Variants in NKAIN2 observed in about 807,000 individuals in gnomAD.
The protein encoded by NKAIN2 is sodium/potassium transporting ATPase interacting 2.
NKAIN2 carries 14 observed loss-of-function variants against 32.6 expected under a neutral mutation model. The ratio of observed to expected loss-of-function variants is 0.43; its 90% confidence interval spans 0.28 to 0.67. NKAIN2 has a LOEUF of 0.67. Among genes scored for constraint, NKAIN2 ranks in the 30% least tolerant of loss-of-function variants. The pLI, the probability that NKAIN2 is intolerant of heterozygous loss-of-function variation, is 0.17. For missense variants in NKAIN2, 198 were observed against 258.3 expected, an observed-to-expected ratio of 0.77 and a Z score of 1.60; for synonymous variants, 80 against 87.2, an observed-to-expected ratio of 0.92 and a Z score of 0.46.
chr6:124,399,872 G>C (rs75575721), intron 3 of NKAIN2, among the ~76,000 whole-genome samples: 1 of 152,112 alleles, frequency 6.6e-6, no homozygotes, highest in African/African-American at 2.4e-5. Flanking sequence ...TGCTGGTGAC[G>C]ATCAGTGAAT....
intron 3 of NKAIN2, among the ~76,000 whole-genome samples, chr6:124,450,088 G>A (rs115871287): frequency 4.5e-4 from 69 of 152,166 alleles, no homozygotes; most frequent in Middle Eastern, 3.4e-3. Context: ...GAGAAAATAC[G>A]CATCTTGAAA....
intron 1 of NKAIN2, among the ~76,000 whole-genome samples, chr6:124,191,035 G>C (rs904375823): frequency 6.6e-6 from 1 of 152,102 alleles, no homozygotes; most frequent in Non-Finnish European, 1.5e-5. Context: ...CTCAAAGTCC[G>C]TGGTTTATGT....
At chr6:124,347,139 C>T (rs1383180859) in intron 2 of NKAIN2, among the ~76,000 whole-genome samples, 30 of 152,274 alleles carry the variant, frequency 2.0e-4, no homozygotes, top group African/African-American at 7.0e-4. Context: ...AAATTCTTTT[C>T]TTTAAGAATG....
chr6:124,670,645 CTGTGTG>C lies in NKAIN2; in HGVS notation c.474+12289_474+12294del, dbSNP rs57300688. On this transcript the variant is annotated intron_variant, in intron 4 of 6. Transcript: ENST00000368417. ...TTTACCTGAGATTAATCTTTGCTTT[CTGTGTG>C]TGTGTGTGTGTGTGTGTGTGTGTGT... Among the ~76,000 whole-genome samples, 658 of 123,910 alleles carry C rather than the reference CTGTGTG, an allele frequency of 5.3e-3. 2 individuals are homozygous for C. In the Middle Eastern group the frequency reaches 0.055, roughly 10 times the overall value. The allele number at this position is 123,910 out of a possible 152,430, so 81.3% of individuals were successfully genotyped here.
At chr6:124,257,837 G>A (rs1348467104) in intron 1 of NKAIN2, among the ~76,000 whole-genome samples, 1 of 144,156 alleles carries the variant, frequency 6.9e-6, no homozygotes, top group East Asian at 2.0e-4. Flanking sequence ...GGAGTACAGT[G>A]GCACGATCTT....
At chr6:124,057,015 T>C (rs184193648) in intron 1 of NKAIN2, among the ~76,000 whole-genome samples, 1 of 152,192 alleles carries the variant, frequency 6.6e-6, no homozygotes, top group East Asian at 1.9e-4. Flanking sequence ...CCAATTAATT[T>C]GTTTTCACCT....
chr6:124,419,677 A>G (rs1363653618), intron 3 of NKAIN2, among the ~76,000 whole-genome samples: 1 of 152,190 alleles, frequency 6.6e-6, no homozygotes, highest in Non-Finnish European at 1.5e-5. Flanking sequence ...TAGAAGACAT[A>G]AGATAATATT....
chr6:124,355,491 A>G lies in NKAIN2; in HGVS notation c.273+144A>G, dbSNP rs558073234. 244 of 587,138 alleles carry G rather than the reference A, an allele frequency of 4.2e-4. 1 individual carries two copies. The African/African-American group carries it at 4.2e-3, about 10-fold the overall frequency. 36.4% of individuals were successfully genotyped at this position (587,138 alleles called of 1,614,324 possible). On this transcript the variant is annotated intron_variant, in intron 3 of 6. Coordinates refer to ENST00000368417, the MANE Select transcript of NKAIN2 (RefSeq NM_001040214.3). ...AAGGTGTCTTGATTTATATTTCTGC[A>G]TTTTTATCATTAAAAATATGTCTGG...
At chr6:124,649,630 G>A (rs1441097908) in intron 3 of NKAIN2, among the ~76,000 whole-genome samples, 1 of 152,090 alleles carries the variant, frequency 6.6e-6, no homozygotes, top group African/African-American at 2.4e-5. Context: ...TAGCATCACC[G>A]TAATACCAAA....
chr6:124,150,987 G>A (rs1029908456), intron 1 of NKAIN2, among the ~76,000 whole-genome samples: 1 of 151,814 alleles, frequency 6.6e-6, no homozygotes, highest in African/African-American at 2.4e-5. Flanking sequence ...ATTCTTCTTT[G>A]TTCATATTTC....
chr6:124,722,137 TAG>T (rs1776052417), intron 4 of NKAIN2, among the ~76,000 whole-genome samples: 2 of 152,238 alleles, frequency 1.3e-5, no homozygotes, highest in Non-Finnish European at 2.9e-5. Context: ...ATCAATGTTG[TAG>T]CATGTGTCAG....
At chr6:124,363,493 G>T (rs577008854) in intron 3 of NKAIN2, among the ~76,000 whole-genome samples, 4 of 152,312 alleles carry the variant, frequency 2.6e-5, no homozygotes, top group East Asian at 3.9e-4. Flanking sequence ...CAATTTTTCT[G>T]TTAAGGCATT....
At chr6:124,396,959 TGTG>T (rs775111969) in intron 3 of NKAIN2, among the ~76,000 whole-genome samples, 81 of 152,292 alleles carry the variant, frequency 5.3e-4, no homozygotes, top group South Asian at 2.1e-3. Flanking sequence ...TTTTGTAAGT[TGTG>T]GTGAAAATAC....
intron 1 of NKAIN2, among the ~76,000 whole-genome samples, chr6:123,987,391 G>A (rs1234545321): frequency 6.6e-6 from 1 of 152,280 alleles, no homozygotes; most frequent in Non-Finnish European, 1.5e-5. Flanking sequence ...TTTTTGGAAT[G>A]TGTATGTATT....
At chr6:124,812,979 A>C (rs537165343) in intron 5 of NKAIN2, among the ~76,000 whole-genome samples, 2 of 152,220 alleles carry the variant, frequency 1.3e-5, no homozygotes, top group Non-Finnish European at 2.9e-5. Flanking sequence ...TTGAAATTAC[A>C]CAGACAATAT....
At chr6:124,733,341 A>C (rs1227858189) in intron 4 of NKAIN2, among the ~76,000 whole-genome samples, 1 of 151,928 alleles carries the variant, frequency 6.6e-6, no homozygotes, top group Non-Finnish European at 1.5e-5. Flanking sequence ...GGAGGTTGGA[A>C]GAGCCCAGTA....
intron 4 of NKAIN2, among the ~76,000 whole-genome samples, chr6:124,670,208 G>A (rs1329267943): frequency 2.6e-5 from 4 of 151,926 alleles, no homozygotes; most frequent in South Asian, 4.1e-4. Flanking sequence ...AATCACTGTT[G>A]TTACTCATCC....
At chr6:124,772,400 T>C (rs1358358625) in intron 4 of NKAIN2, among the ~76,000 whole-genome samples, 1 of 152,172 alleles carries the variant, frequency 6.6e-6, no homozygotes, top group Non-Finnish European at 1.5e-5. Context: ...GACTCTGTGC[T>C]GTACATGATG....
At chr6:124,650,977 C>G (rs570217177) in intron 3 of NKAIN2, among the ~76,000 whole-genome samples, 1 of 152,120 alleles carries the variant, frequency 6.6e-6, no homozygotes, top group South Asian at 2.1e-4. Flanking sequence ...GAAATCAAAA[C>G]AAGTTATCTA....
Sources: gnomAD v4.1 joint callset for allele counts (sites outside exome capture counted in the v4.1 genomes callset) on GRCh38, gnomAD v4.1.1 for gene constraint, MANE v1.5 for transcripts, NCBI Gene and HGNC (gene_info 2026-07-23, HGNC 2026-07-21) for gene names.